Variants in IL12RB1 observed in about 807,000 individuals in gnomAD.
IL12RB1 encodes the protein interleukin 12 receptor subunit beta 1.
Under a neutral mutation model 94.4 loss-of-function variants are expected in IL12RB1, and 64 were observed. That is an observed-to-expected ratio of 0.68 (90% confidence interval 0.55 to 0.83). IL12RB1 has a LOEUF of 0.83. IL12RB1 is among the 40% of genes least tolerant of loss of function. IL12RB1 has a pLI of 0.00. For synonymous variants in IL12RB1, 362 were observed against 355.5 expected (o/e 1.02, Z -0.21); for missense variants, 814 against 855.6 (o/e 0.95, Z 0.61).
At chr19:18,092,647 G>A (rs1249633881) in intron 1 of IL12RB1, among the ~76,000 whole-genome samples, 1 of 147,226 alleles carries the variant, frequency 6.8e-6, no homozygotes, top group Non-Finnish European at 1.5e-5. Flanking sequence ...CCCAGCCTAG[G>A]AGACAAGAGC....
upstream of IL12RB1, chr19:18,091,589 A>G (rs757186281): frequency 1.3e-5 from 2 of 152,260 alleles, no homozygotes; most frequent in Non-Finnish European, 2.9e-5. Flanking sequence ...GCCAGGAGAC[A>G]ACCCATTTGT....
At chr19:18,080,207 C>T (rs2035792937) in intron 4 of IL12RB1, among the ~76,000 whole-genome samples, 1 of 151,850 alleles carries the variant, frequency 6.6e-6, no homozygotes, top group Non-Finnish European at 1.5e-5. Flanking sequence ...AGGCATGCAC[C>T]ACCACACCAG....
chr19:18,079,998 CT>C (rs1398906588), intron 4 of IL12RB1, among the ~76,000 whole-genome samples: 1 of 152,146 alleles, frequency 6.6e-6, no homozygotes, highest in Non-Finnish European at 1.5e-5. Context: ...TGTCCTCCAG[CT>C]TTGTCCATGT....
chr19:18,067,487 G>A (rs1301953952), intron 11 of IL12RB1, among the ~76,000 whole-genome samples: 1 of 151,966 alleles, frequency 6.6e-6, no homozygotes, highest in Non-Finnish European at 1.5e-5. Flanking sequence ...CCTTCCCTGG[G>A]CCTCAGTTTT....
At chr19:18,081,842 GA>G (rs1295760217) in intron 3 of IL12RB1, among the ~76,000 whole-genome samples, 1 of 127,302 alleles carries the variant, frequency 7.9e-6, no homozygotes, top group African/African-American at 2.9e-5. Context: ...AAAGAAAAAA[GA>G]AAAAATGGAT....
chr19:18,068,594 C>A lies in IL12RB1; in HGVS notation c.1190-68G>T, dbSNP rs1019518857. On this transcript the variant is annotated intron_variant, in intron 10 of 16. Transcript: ENST00000593993. The stretch of plus-strand genomic sequence containing the variant: ...TCCCACCTCTGCACCTTTGCACTGG[C>A]TGTGCCATCTGCCAGGAACCCCCAG... 39 of 1,329,618 alleles carry A rather than the reference C, an allele frequency of 2.9e-5. 1 individual carries two copies. The Admixed American group carries it at 4.1e-4, about 14-fold the overall frequency. 82.4% of individuals were successfully genotyped at this position (1,329,618 alleles called of 1,614,324 possible).
At chr19:18,064,131 T>TTTA in intron 12 of IL12RB1, 121 bp from the exon 13 acceptor site, 7 of 480,542 alleles carry the variant, frequency 1.5e-5, no homozygotes, top group East Asian at 7.1e-5. Context: ...ATCTCTACTC[T>TTTA]TTCTTTCTTT....
chr19:18,068,488 G>GC lies in IL12RB1; in HGVS notation c.1227dup (p.Gln410AlafsTer49). 1 of 1,611,276 alleles carries GC rather than the reference G, an allele frequency of 6.2e-7. No homozygotes were observed. The highest frequency in any genetic ancestry group is 1.1e-5 in the South Asian group (1 of 91,008). On this transcript the variant is annotated frameshift_variant, in exon 11 of 17. Coordinates refer to ENST00000593993, the MANE Select transcript of IL12RB1 (RefSeq NM_005535.3). LOFTEE classifies it high-confidence loss of function. ...ATGGTAATGTAGTAACACTTTTCCT[G>GC]CCCCATTGCCCCAGACTCTCGACTC...
At chr19:18,074,992 C>T (rs2035346850) in intron 7 of IL12RB1, among the ~76,000 whole-genome samples, 1 of 151,500 alleles carries the variant, frequency 6.6e-6, no homozygotes, top group East Asian at 2.0e-4. Context: ...GCGGAGCTTG[C>T]AGTGAGCCGA....
intron 1 of IL12RB1, among the ~76,000 whole-genome samples, chr19:18,094,868 C>T (rs1023348318): frequency 1.3e-5 from 2 of 151,874 alleles, no homozygotes; most frequent in African/African-American, 2.4e-5. Context: ...AGGTAAGTAC[C>T]CAAGAGAACC....
chr19:18,073,072 G>T (rs2035193268), intron 8 of IL12RB1, among the ~76,000 whole-genome samples: 1 of 152,054 alleles, frequency 6.6e-6, no homozygotes. Flanking sequence ...GATGACTATG[G>T]TAAAGTCAAC....
chr19:18,077,436 CAG>C, intron 5 of IL12RB1, 78 bp downstream of exon 5: 1 of 1,085,552 alleles, frequency 9.2e-7, no homozygotes, highest in South Asian at 1.3e-5. Context: ...GGGACAGATG[CAG>C]AGATGGTGAG....
intron 4 of IL12RB1, among the ~76,000 whole-genome samples, chr19:18,079,813 T>C (rs1385134079): frequency 6.6e-6 from 1 of 151,670 alleles, no homozygotes; most frequent in African/African-American, 2.4e-5. Flanking sequence ...AGGAGAATGG[T>C]GTGAACCCAG....
intron 11 of IL12RB1, 124 bp from the exon 12 acceptor site, chr19:18,066,821 G>A (rs2034620036): frequency 4.3e-6 from 3 of 703,724 alleles, no homozygotes; most frequent in South Asian, 1.5e-5. Context: ...GAGGCCAGGA[G>A]TTCAAGACCA....
intron 12 of IL12RB1, among the ~76,000 whole-genome samples, chr19:18,064,725 C>T (rs2034448624): frequency 6.6e-6 from 1 of 152,158 alleles, no homozygotes. Context: ...CCGCCCGCCT[C>T]AGCCTCCCAA....
upstream of IL12RB1, among the ~76,000 whole-genome samples, chr19:18,089,434 G>A (rs1211711542): frequency 2.0e-5 from 3 of 152,030 alleles, no homozygotes; most frequent in Non-Finnish European, 4.4e-5. Flanking sequence ...AGACCAGCCT[G>A]GACAACACAG....
chr19:18,072,227 G>C lies in IL12RB1; in HGVS notation c.906C>G (p.His302Gln). 1 of 1,614,090 alleles carries C rather than the reference G, an allele frequency of 6.2e-7. No homozygotes were observed. The highest frequency in any genetic ancestry group is 8.5e-7 in the Non-Finnish European group (1 of 1,179,942). ...PCKAKATRTL[H>Q]LGKMPYLSGA... is the part of the protein sequence containing the mutation. ...CCGAGAGATAGGGCATCTTCCCCAG[G>C]TGCAGGGTCCTGGTGGCCTTGGCCT... The change falls in exon 9 of 17, where the codon CAC (histidine) becomes CAG (glutamine). Residue 302 changes from histidine (H) to glutamine (Q), a missense_variant. Coordinates refer to ENST00000593993, the MANE Select transcript of IL12RB1 (RefSeq NM_005535.3).
intron 11 of IL12RB1, 48 bp from the exon 12 acceptor site, chr19:18,066,745 G>A (rs747658582): frequency 1.3e-6 from 2 of 1,555,596 alleles, no homozygotes; most frequent in Admixed American, 1.7e-5. Context: ...TGCTGGTCGA[G>A]GCCTGGCACA....
At chr19:18,082,952 G>A (rs17879281) in intron 2 of IL12RB1, among the ~76,000 whole-genome samples, 88 of 151,576 alleles carry the variant, frequency 5.8e-4, no homozygotes, top group African/African-American at 2.0e-3. Flanking sequence ...GTGTGGTGGC[G>A]GGCACCTGTA....
Sources: gnomAD v4.1 joint callset for allele counts (sites outside exome capture counted in the v4.1 genomes callset) on GRCh38, gnomAD v4.1.1 for gene constraint, MANE v1.5 for transcripts, NCBI Gene and HGNC (gene_info 2026-07-23, HGNC 2026-07-21) for gene names.